ARHGAP28: variants seen among roughly 807,000 people sequenced by gnomAD.
ARHGAP28 encodes rho GTPase-activating protein 28.
Under a neutral mutation model 90.7 loss-of-function variants are expected in ARHGAP28, and 56 were observed. The ratio of observed to expected loss-of-function variants is 0.62; its 90% CI spans 0.50 to 0.77. ARHGAP28 has a LOEUF of 0.77. ARHGAP28 is among the 30% of genes least tolerant of loss of function. The pLI, the probability that ARHGAP28 is intolerant of heterozygous loss-of-function variation, is 0.00. For missense variants in ARHGAP28, 869 were observed against 900.9 expected (o/e 0.96, Z 0.45); for synonymous variants, 308 against 323.3 (o/e 0.95, Z 0.51).
At chr18:6,905,887 A>G (rs890085463) in intron 16 of ARHGAP28, among the ~76,000 whole-genome samples, 6 of 152,162 alleles carry the variant, frequency 3.9e-5, no homozygotes, top group African/African-American at 1.4e-4. Context: ...GAAAGAAATT[A>G]AAGAAGACCT....
chr18:6,801,307 AAATT>A (rs2056480081), intron 1 of ARHGAP28, among the ~76,000 whole-genome samples: 1 of 152,172 alleles, frequency 6.6e-6, no homozygotes, highest in Non-Finnish European at 1.5e-5. Context: ...CCTTTGTTGA[AAATT>A]AATTAACAAC....
At chr18:6,836,845 A>G (rs992973112) in intron 2 of ARHGAP28, among the ~76,000 whole-genome samples, 3 of 152,174 alleles carry the variant, frequency 2.0e-5, no homozygotes, top group Non-Finnish European at 4.4e-5. Context: ...TTGAAAAACC[A>G]ATTTGTATTC....
rs960690826 is a variant in ARHGAP28, at chr18:6,837,948, C to T, written c.543+534C>T. Reference sequence around the variant, plus strand: ...GAAACATCCCATGTTTTATGATAAACGGCTGGTTGAAGTTCTAGCTTACCC... The same window carrying T: ...GAAACATCCCATGTTTTATGATAAATGGCTGGTTGAAGTTCTAGCTTACCC... On this transcript the variant is annotated intron_variant, in intron 3 of 17. Coordinates refer to ENST00000383472, the MANE Select transcript of ARHGAP28 (RefSeq NM_001366230.1). 5.3e-5 allele frequency among the ~76,000 whole-genome samples: 8 copies of T among 152,256 alleles called. No individual in the cohort carries two copies. In the South Asian group the frequency reaches 6.2e-4, roughly 12 times the overall value.
intron 16 of ARHGAP28, among the ~76,000 whole-genome samples, chr18:6,905,525 A>AC (rs1202704115): frequency 1.3e-5 from 2 of 152,330 alleles, no homozygotes; most frequent in Admixed American, 1.3e-4. Context: ...ATCTCATTCA[A>AC]CATACTACTG....
At chr18:6,878,883 T>C (rs574908464) in intron 10 of ARHGAP28, among the ~76,000 whole-genome samples, 1 of 152,352 alleles carries the variant, frequency 6.6e-6, no homozygotes, top group African/African-American at 2.4e-5. Flanking sequence ...TTCAAACTTT[T>C]TATTTAAACT....
chr18:6,891,120 A>G (rs1270878664), intron 14 of ARHGAP28, among the ~76,000 whole-genome samples: 1 of 152,170 alleles, frequency 6.6e-6, no homozygotes, highest in African/African-American at 2.4e-5. Context: ...CTTGAGGAGG[A>G]TGTGGAGATA....
At chr18:6,801,446 A>T (rs1304404622) in intron 1 of ARHGAP28, among the ~76,000 whole-genome samples, 4 of 152,140 alleles carry the variant, frequency 2.6e-5, no homozygotes, top group Non-Finnish European at 4.4e-5. Flanking sequence ...AAGTGTGCTG[A>T]CTTTCTTCTT....
intron 12 of ARHGAP28, among the ~76,000 whole-genome samples, chr18:6,888,190 C>T (rs890692944): frequency 6.6e-6 from 1 of 152,030 alleles, no homozygotes; most frequent in African/African-American, 2.4e-5. Context: ...TAGTTTCATC[C>T]CCAATTTTTC....
rs151131787 is a variant in ARHGAP28, at chr18:6,740,274, C to A, written c.122+10331C>A. 3.2e-3 allele frequency among the ~76,000 whole-genome samples: 481 copies of A among 152,284 alleles called. 3 individuals carry two copies. Among genetic ancestry groups the A allele is most frequent in the Middle Eastern group, 0.014 (4 of 294 alleles). ...CACCTTGTTTTGAGTTGAAAGCAAC[C>A]AGGGGACCAAGTCAGGTCCTAGACT... On this transcript the variant is annotated intron_variant, in intron 1 of 17. Transcript: ENST00000383472.
intron 10 of ARHGAP28, among the ~76,000 whole-genome samples, chr18:6,881,701 G>A (rs1324618370): frequency 6.6e-6 from 1 of 152,152 alleles, no homozygotes; most frequent in Non-Finnish European, 1.5e-5. Flanking sequence ...CATTCTGTTT[G>A]TGAACTGGCT....
At chr18:6,748,517 G>A (rs2056043279) in intron 1 of ARHGAP28, among the ~76,000 whole-genome samples, 1 of 152,156 alleles carries the variant, frequency 6.6e-6, no homozygotes. Flanking sequence ...TTGCCATGAT[G>A]GGCAACTTCT....
At chr18:6,745,311 A>C (rs962404473) in intron 1 of ARHGAP28, among the ~76,000 whole-genome samples, 6 of 152,194 alleles carry the variant, frequency 3.9e-5, no homozygotes, top group African/African-American at 1.4e-4. Flanking sequence ...CCTTCCACCA[A>C]GGAACATTTC....
intron 1 of ARHGAP28, among the ~76,000 whole-genome samples, chr18:6,752,592 A>T (rs2143267832): frequency 6.6e-6 from 1 of 152,354 alleles, no homozygotes; most frequent in Non-Finnish European, 1.5e-5. Context: ...CAGTCTCAGC[A>T]AAACCACGAA....
At chr18:6,839,586 T>G (rs8086537) in intron 3 of ARHGAP28, among the ~76,000 whole-genome samples, 25 of 152,034 alleles carry the variant, frequency 1.6e-4, no homozygotes, top group South Asian at 4.2e-4. Flanking sequence ...CGTGAGCCAC[T>G]GCGCCCGGCC....
chr18:6,816,730 C>T (rs901225863), intron 1 of ARHGAP28, among the ~76,000 whole-genome samples: 3 of 152,146 alleles, frequency 2.0e-5, no homozygotes, highest in Admixed American at 1.3e-4. Flanking sequence ...CCGTAATGTA[C>T]TGATCAAAGC....
intron 1 of ARHGAP28, among the ~76,000 whole-genome samples, chr18:6,739,480 A>G (rs1008700815): frequency 1.3e-5 from 2 of 151,342 alleles, no homozygotes; most frequent in Non-Finnish European, 2.9e-5. Flanking sequence ...TTATATTCTT[A>G]CCCTTCACAT....
At chr18:6,887,081 C>T (rs2057227540) in intron 11 of ARHGAP28, 76 bp from the exon 12 acceptor site, 1 of 1,345,088 alleles carries the variant, frequency 7.4e-7, no homozygotes, top group African/African-American at 1.4e-5. Flanking sequence ...CCTGTGCCAC[C>T]AGATGCTAGC....
intron 1 of ARHGAP28, among the ~76,000 whole-genome samples, chr18:6,745,478 T>A (rs1376955603): frequency 6.6e-6 from 1 of 152,252 alleles, no homozygotes; most frequent in Non-Finnish European, 1.5e-5. Context: ...CTTTATTTAG[T>A]GATGTCAGTT....
chr18:6,820,188 T>G (rs8088063), intron 1 of ARHGAP28, among the ~76,000 whole-genome samples: 117,237 of 151,970 alleles, frequency 0.77, 45,315 homozygotes, highest in Non-Finnish European at 0.8. Flanking sequence ...GGGCAAAAAT[T>G]GATCAAAATA....
Sources: gnomAD v4.1 joint callset for allele counts (sites outside exome capture counted in the v4.1 genomes callset) on GRCh38, gnomAD v4.1.1 for gene constraint, MANE v1.5 for transcripts, NCBI Gene and HGNC (gene_info 2026-07-23, HGNC 2026-07-21) for gene names.